The following LEPR variants were observed in gnomAD, a reference collection of about 807,000 sequenced individuals.
The protein encoded by LEPR is OB receptor.
In LEPR, 56 loss-of-function variants were observed where a neutral mutation model predicts 114.7. The ratio of observed to expected loss-of-function variants is 0.49; its 90% CI spans 0.39 to 0.61. The LOEUF (loss-of-function observed/expected upper bound fraction) is 0.61, where lower values mean the gene tolerates loss of function less well. Ranked by LOEUF, LEPR falls within the 20% of genes least tolerant of loss-of-function variation. The probability of loss-of-function intolerance (pLI) is 0.00; values close to 1 mark genes in which losing one functional copy is unlikely to be tolerated. For missense variants in LEPR, 1,202 were observed against 1,352.9 expected (o/e 0.89, Z 1.75); for synonymous variants, 443 against 461.4 (o/e 0.96, Z 0.51).
Position 65,570,707 on chromosome 1 carries a change from G to A in LEPR, c.275G>A (p.Arg92Gln), listed in dbSNP as rs1381906929. ...AAAACAACTTTCCACTGTTGCTTTC[G>A]GAGTGAGCAAGATAGAAACTGCTCC... ...LSKTTFHCCF[R>Q]SEQDRNCSLC... is the part of the protein sequence containing the mutation. The change falls in exon 4 of 20, where the codon CGG becomes CAG. Residue 92 changes from arginine (R) to glutamine (Q), a missense_variant. By Grantham distance (43) the Arg-to-Gln change is conservative. Coordinates refer to ENST00000349533, the MANE Select transcript of LEPR (RefSeq NM_002303.6). 3.7e-6 allele frequency: 6 copies of A among 1,613,232 alleles called. No individual in the cohort carries two copies. Among genetic ancestry groups the A allele is most frequent in the East Asian group, 2.2e-5 (1 of 44,828 alleles).
At chr1:65,499,351 G>A (rs1648324449) in intron 2 of LEPR, among the ~76,000 whole-genome samples, 1 of 151,924 alleles carries the variant, frequency 6.6e-6, no homozygotes, top group South Asian at 2.1e-4. Flanking sequence ...GGCGTAAAAT[G>A]GAAAAATATG....
chr1:65,546,997 T>C (rs1298345367), intron 2 of LEPR, among the ~76,000 whole-genome samples: 6 of 152,216 alleles, frequency 3.9e-5, no homozygotes. Flanking sequence ...ACCTAATTTA[T>C]TGAGAGTTTT....
At chr1:65,509,299 T>C (rs926703411) in intron 2 of LEPR, among the ~76,000 whole-genome samples, 2 of 152,192 alleles carry the variant, frequency 1.3e-5, no homozygotes, top group African/African-American at 4.8e-5. Flanking sequence ...GCGTTCACAA[T>C]TGATTGTGAC....
At chr1:65,629,542 G>C (rs1658406819) in intron 19 of LEPR, among the ~76,000 whole-genome samples, 1 of 151,976 alleles carries the variant, frequency 6.6e-6, no homozygotes, top group Admixed American at 6.6e-5. Flanking sequence ...TCCACCTGTT[G>C]ATCAAAATTG....
intron 2 of LEPR, chr1:65,433,051 G>C: frequency 1.0e-5 from 10 of 985,280 alleles, no homozygotes; most frequent in Non-Finnish European, 1.2e-5. Context: ...ACTGAGATGC[G>C]GGCAGGGAGG....
intron 2 of LEPR, among the ~76,000 whole-genome samples, chr1:65,487,495 T>C (rs1169675720): frequency 6.6e-6 from 1 of 151,966 alleles, no homozygotes; most frequent in Admixed American, 6.6e-5. Flanking sequence ...TATATGCATA[T>C]ATCTTATATA....
intron 2 of LEPR, among the ~76,000 whole-genome samples, chr1:65,488,238 TTC>T (rs1647668783): frequency 7.9e-6 from 1 of 126,320 alleles, no homozygotes; most frequent in Non-Finnish European, 1.7e-5. Flanking sequence ...CTTTCTTTCT[TTC>T]TTTCTTTCTT....
At chr1:65,596,276 G>C (rs958262563) in intron 6 of LEPR, among the ~76,000 whole-genome samples, 172 bp from the exon 7 acceptor site, 2 of 152,082 alleles carry the variant, frequency 1.3e-5, no homozygotes, top group Non-Finnish European at 2.9e-5. Flanking sequence ...GTACAAGGAC[G>C]AGACCCAGTA....
chr1:65,582,752 A>G (rs555575788), intron 5 of LEPR, among the ~76,000 whole-genome samples: 1 of 152,276 alleles, frequency 6.6e-6, no homozygotes, highest in East Asian at 1.9e-4. Context: ...TTGTCAACTC[A>G]AGGACTTTCT....
intron 2 of LEPR, among the ~76,000 whole-genome samples, chr1:65,483,905 A>T (rs1282179525): frequency 1.3e-5 from 2 of 150,178 alleles, no homozygotes; most frequent in Non-Finnish European, 3.0e-5. Flanking sequence ...AACCTTCATC[A>T]TGACTTTACA....
intron 2 of LEPR, among the ~76,000 whole-genome samples, chr1:65,450,410 A>G (rs1352681471): frequency 7.9e-5 from 11 of 140,074 alleles, no homozygotes; most frequent in South Asian, 5.1e-4. Context: ...ATATCTCCCA[A>G]TGCTATCCCT....
chr1:65,583,440 A>T (rs556613121), intron 5 of LEPR, among the ~76,000 whole-genome samples: 1 of 152,186 alleles, frequency 6.6e-6, no homozygotes, highest in Non-Finnish European at 1.5e-5. Context: ...TCAAGTTCCC[A>T]CAAACGAGAT....
rs1214101551 is a variant in LEPR at position 65,425,095 on chromosome 1, A to G, written c.-96-208A>G. ...ATTGATAAATGATTCACATACCATA[A>G]AATTAACATTCTTAAAGTGTAAGAT... On this transcript the variant is annotated intron_variant, in intron 1 of 19. Transcript: ENST00000349533. Among the ~76,000 whole-genome samples, 5 of 152,250 alleles carry G rather than the reference A, an allele frequency of 3.3e-5. No homozygotes were observed. The East Asian group carries it at 9.6e-4, about 29-fold the overall frequency.
intron 2 of LEPR, among the ~76,000 whole-genome samples, chr1:65,448,136 G>C (rs1441619216): frequency 2.0e-5 from 3 of 152,180 alleles, no homozygotes; most frequent in Non-Finnish European, 4.4e-5. Context: ...TTATCATTAA[G>C]TATGATGTTA....
chr1:65,590,997 C>T (rs1028145905), intron 5 of LEPR, among the ~76,000 whole-genome samples: 6 of 151,896 alleles, frequency 4.0e-5, no homozygotes, highest in Non-Finnish European at 5.9e-5. Flanking sequence ...ACACATTTCC[C>T]TGGAATTATT....
chr1:65,518,210 C>G (rs1416268251), intron 2 of LEPR, among the ~76,000 whole-genome samples: 1 of 152,148 alleles, frequency 6.6e-6, no homozygotes, highest in African/African-American at 2.4e-5. Flanking sequence ...TGTACTCTAT[C>G]CTTTAAATTT....
chr1:65,638,335 ATTAT>A lies in LEPR; in HGVS notation c.*1326_*1329del, dbSNP rs1468202142. On this transcript the variant is annotated 3_prime_UTR_variant, in exon 20 of 20. Transcript: ENST00000349533. ...CAACTTAAGATTAATACATAAGTTT[ATTAT>A]TTATTCAACTTTTGGTACGGTAAAA... The A allele has an allele frequency of 2.6e-5, 4 of 152,242 alleles. No homozygotes were observed. The highest frequency in any genetic ancestry group is 5.9e-5 in the Non-Finnish European group (4 of 68,038). 9.4% of individuals were successfully genotyped at this position (152,242 alleles called of 1,614,324 possible).
intron 5 of LEPR, among the ~76,000 whole-genome samples, chr1:65,584,112 C>G (rs1235746358): frequency 6.6e-6 from 1 of 151,958 alleles, no homozygotes; most frequent in Non-Finnish European, 1.5e-5. Context: ...CTCATGGATT[C>G]TTATTTTAGT....
intron 2 of LEPR, among the ~76,000 whole-genome samples, chr1:65,540,537 C>CT (rs1651116609): frequency 6.6e-6 from 1 of 152,198 alleles, no homozygotes; most frequent in African/African-American, 2.4e-5. Context: ...TCCCCATTCA[C>CT]TTTCCACCAT....
Sources: allele counts gnomAD v4.1 joint callset (sites outside exome capture counted in the v4.1 genomes callset), GRCh38; gene constraint gnomAD v4.1.1; transcripts MANE v1.5; gene names NCBI Gene and HGNC (gene_info 2026-07-23, HGNC 2026-07-21).